The following KATNBL1 variants were observed in gnomAD, a reference collection of about 807,000 sequenced individuals.
The protein encoded by KATNBL1 is katanin regulatory subunit B1 like 1, also known as KATNB1-like protein 1.
KATNBL1 carries 28 observed loss-of-function variants against 44.7 expected under a neutral mutation model. The observed-to-expected ratio is 0.63, with a 90% CI of 0.46 to 0.86. The LOEUF (loss-of-function observed/expected upper bound fraction) is 0.86. Ranked by LOEUF, KATNBL1 falls within the 40% of genes least tolerant of loss-of-function variation. The pLI is 0.00. For synonymous variants in KATNBL1, 78 were observed against 114.9 expected, an observed-to-expected ratio of 0.68 and a Z score of 2.06; for missense variants, 272 against 350.7, an observed-to-expected ratio of 0.78 and a Z score of 1.79.
chr15:34,184,391 TG>T lies in KATNBL1; in HGVS notation c.-14-20702del, dbSNP rs564166053. Among the ~76,000 whole-genome samples, 18 of 149,196 alleles carry T rather than the reference TG, an allele frequency of 1.2e-4. No homozygotes were observed. In the East Asian group the frequency reaches 3.7e-3, roughly 30 times the overall value. The stretch of plus-strand genomic sequence containing the variant: ...GTCAGACAGCAGAATCACTTGAACC[TG>T]GGAGGCCAATGCTACAGTGAGCTGA... On this transcript the variant is annotated intron_variant, in intron 1 of 9. Transcript: ENST00000256544.
chr15:34,189,947 C>CTT (rs61022097), intron 1 of KATNBL1, among the ~76,000 whole-genome samples: 4 of 141,900 alleles, frequency 2.8e-5, no homozygotes, highest in Non-Finnish European at 4.7e-5. Flanking sequence ...GAAGTACATT[C>CTT]TTTTTTTTTT....
At position 34,140,978 on chromosome 15, in the gene KATNBL1, C is replaced by T. The variant is rs1319428139; in HGVS notation, c.*1361G>A. The T allele has an allele frequency of 6.6e-6, 1 of 152,018 alleles. No individual in the cohort carries two copies. Among genetic ancestry groups the T allele is most frequent in the Non-Finnish European group, 1.5e-5 (1 of 67,972 alleles). 9.4% of individuals were successfully genotyped at this position (152,018 alleles called of 1,614,324 possible). A position where few individuals can be genotyped will look rare whatever the true frequency, so the allele number is the denominator to read the frequency against. ...GAGATTCGTATCAGTAGTCATTAAA[C>T]GAATAAATGCTAAAGGTTTACATTC... On this transcript the variant is annotated 3_prime_UTR_variant, in exon 10 of 10. Coordinates refer to ENST00000256544, the MANE Select transcript of KATNBL1 (RefSeq NM_024713.3).
At chr15:34,160,577 T>C (rs536807230) in intron 2 of KATNBL1, among the ~76,000 whole-genome samples, 3 of 152,242 alleles carry the variant, frequency 2.0e-5, no homozygotes, top group African/African-American at 7.2e-5. Flanking sequence ...AAAGCTTTTG[T>C]AATGTTTTGG....
chr15:34,205,139 G>A (rs576090716), intron 1 of KATNBL1, among the ~76,000 whole-genome samples: 2 of 152,132 alleles, frequency 1.3e-5, no homozygotes, highest in East Asian at 3.9e-4. Flanking sequence ...GGCTACAGGT[G>A]TGCACCACCA....
chr15:34,143,313 A>G (rs1888206695), intron 9 of KATNBL1, among the ~76,000 whole-genome samples: 1 of 151,924 alleles, frequency 6.6e-6, no homozygotes, highest in African/African-American at 2.4e-5. Context: ...CGTCTCCACT[A>G]AAAATACAAA....
intron 9 of KATNBL1, among the ~76,000 whole-genome samples, chr15:34,144,723 A>G (rs538790550): frequency 1.3e-5 from 2 of 152,042 alleles, no homozygotes; most frequent in Non-Finnish European, 2.9e-5. Flanking sequence ...GGCACGTGCC[A>G]TCACACCCAG....
chr15:34,195,196 C>T lies in KATNBL1; in HGVS notation c.-15+14755G>A, dbSNP rs550599500. ...TAATAGGAAAGATATGGAATCAACCCGTGTCTTATCAACAGAGGACTGGAT... is the reference window on the plus strand; with the variant it reads ...TAATAGGAAAGATATGGAATCAACCTGTGTCTTATCAACAGAGGACTGGAT... On this transcript the variant is annotated intron_variant, in intron 1 of 9. Transcript: ENST00000256544. Among the ~76,000 whole-genome samples the T allele has an allele frequency of 1.7e-4, 26 of 152,198 alleles. No homozygotes were observed. In the South Asian group the frequency reaches 3.3e-3, roughly 19 times the overall value.
chr15:34,172,597 T>G (rs1324302946), intron 1 of KATNBL1, among the ~76,000 whole-genome samples: 2 of 152,146 alleles, frequency 1.3e-5, no homozygotes, highest in Non-Finnish European at 2.9e-5. Flanking sequence ...AAGTGAAAGT[T>G]TACATACTAA....
At chr15:34,160,963 G>A (rs768150646) in intron 2 of KATNBL1, among the ~76,000 whole-genome samples, 7 of 151,986 alleles carry the variant, frequency 4.6e-5, no homozygotes, top group Non-Finnish European at 8.8e-5. Flanking sequence ...TTCTACTTTC[G>A]CTTTATCCTT....
chr15:34,201,254 A>G (rs1890170602), intron 1 of KATNBL1, among the ~76,000 whole-genome samples: 1 of 152,258 alleles, frequency 6.6e-6, no homozygotes, highest in Non-Finnish European at 1.5e-5. Context: ...TTTAAAAAAC[A>G]TAACTATGCC....
At chr15:34,194,400 T>G (rs8026939) in intron 1 of KATNBL1, among the ~76,000 whole-genome samples, 53,175 of 151,826 alleles carry the variant, frequency 0.35, 10,320 homozygotes, top group African/African-American at 0.54. Flanking sequence ...CTTGAGCCCA[T>G]GAGTTTGAGG....
At chr15:34,149,822 T>G (rs1374914630) in intron 4 of KATNBL1, among the ~76,000 whole-genome samples, 1 of 152,166 alleles carries the variant, frequency 6.6e-6, no homozygotes, top group Non-Finnish European at 1.5e-5. Context: ...CCACTTGAGC[T>G]CAGGAGTTTG....
At chr15:34,197,693 T>A (rs1890061974) in intron 1 of KATNBL1, among the ~76,000 whole-genome samples, 1 of 152,234 alleles carries the variant, frequency 6.6e-6, no homozygotes, top group African/African-American at 2.4e-5. Flanking sequence ...GTCTTTGGCT[T>A]ATTTTTATCA....
intron 1 of KATNBL1, among the ~76,000 whole-genome samples, chr15:34,179,033 T>C (rs1279594249): frequency 6.6e-6 from 1 of 152,164 alleles, no homozygotes; most frequent in Non-Finnish European, 1.5e-5. Flanking sequence ...GACTGGTGCT[T>C]ACAATGGAAT....
intron 1 of KATNBL1, among the ~76,000 whole-genome samples, chr15:34,164,190 A>C (rs1189077056): frequency 6.6e-6 from 1 of 152,182 alleles, no homozygotes; most frequent in African/African-American, 2.4e-5. Flanking sequence ...CACTGTGCCC[A>C]GCCTGTCCTC....
chr15:34,148,206 A>G lies in KATNBL1; in HGVS notation c.557+426T>C, dbSNP rs370844204. On this transcript the variant is annotated intron_variant, in intron 5 of 9. Transcript: ENST00000256544. The stretch of plus-strand genomic sequence containing the variant: ...CCATATCGTTATCTCTTAGTTTTAT[A>G]GGTAAGAATGACAGTCAGGAAAGGT... Among the ~76,000 whole-genome samples the G allele has an allele frequency of 3.9e-5, 6 of 152,258 alleles. No individual in the cohort carries two copies. In the East Asian group the frequency reaches 5.8e-4, roughly 15 times the overall value.
chr15:34,195,484 G>A lies in KATNBL1; in HGVS notation c.-15+14467C>T, dbSNP rs188306832. ...AAAGCTTGCTTGATGGGTAAAATGCGTGTTGCTCTAATGATCCATGTACTG... is the reference window on the plus strand; with the variant it reads ...AAAGCTTGCTTGATGGGTAAAATGCATGTTGCTCTAATGATCCATGTACTG... On this transcript the variant is annotated intron_variant, in intron 1 of 9. Coordinates refer to ENST00000256544, the MANE Select transcript of KATNBL1 (RefSeq NM_024713.3). Among the ~76,000 whole-genome samples the A allele has an allele frequency of 6.6e-4, 100 of 152,208 alleles. 1 individual carries two copies. Among genetic ancestry groups the A allele is most frequent in the Admixed American group, 5.8e-3 (89 of 15,298 alleles).
intron 1 of KATNBL1, among the ~76,000 whole-genome samples, chr15:34,192,220 C>G (rs1474528375): frequency 6.6e-6 from 1 of 151,764 alleles, no homozygotes; most frequent in Non-Finnish European, 1.5e-5. Flanking sequence ...CCAGCTAACA[C>G]GGTGAAACCC....
intron 9 of KATNBL1, among the ~76,000 whole-genome samples, chr15:34,143,186 T>A (rs1339923788): frequency 6.6e-6 from 1 of 151,450 alleles, no homozygotes; most frequent in Non-Finnish European, 1.5e-5. Context: ...TGTAAAAAAC[T>A]GATTGTGGCC....
Sources: gnomAD v4.1 joint callset for allele counts (sites outside exome capture counted in the v4.1 genomes callset) on GRCh38, gnomAD v4.1.1 for gene constraint, MANE v1.5 for transcripts, NCBI Gene and HGNC (gene_info 2026-07-23, HGNC 2026-07-21) for gene names.